SOS1: variants seen among roughly 807,000 people sequenced by gnomAD.
SOS1 encodes SOS Ras/Rac guanine nucleotide exchange factor 1.
SOS1 carries 25 observed loss-of-function variants against 157.6 expected under a neutral mutation model. That is an observed-to-expected ratio of 0.16 (90% CI 0.12 to 0.22). The LOEUF is 0.22. Ranked by LOEUF, SOS1 falls within the 10% of genes least tolerant of loss-of-function variation. The probability of loss-of-function intolerance (pLI) is 1.00; values close to 1 mark genes in which losing one functional copy is unlikely to be tolerated. For synonymous variants in SOS1, 528 were observed against 534.0 expected (o/e 0.99, Z 0.16); for missense variants, 1,237 against 1,599.1 (o/e 0.77, Z 3.86).
upstream of SOS1, among the ~76,000 whole-genome samples, chr2:39,122,447 T>TACACACACACACAC (rs70954783): frequency 9.1e-4 from 130 of 142,208 alleles, no homozygotes; most frequent in African/African-American, 3.2e-3. Context: ...AAAAAAAATA[T>TACACACACACACAC]ACACACACAC....
chr2:39,015,802 C>CT (rs1054843148), intron 10 of SOS1, among the ~76,000 whole-genome samples: 10,688 of 87,328 alleles, frequency 0.12, 743 homozygotes, highest in Non-Finnish European at 0.16. Context: ...AATTGTAAAT[C>CT]TTTTTTTTTT....
rs572948137 is a variant in SOS1 at position 39,116,694 on chromosome 2, C to G, written c.87+3642G>C. 5.8e-3 allele frequency among the ~76,000 whole-genome samples: 877 copies of G among 152,254 alleles called. 5 individuals are homozygous for G. The highest frequency in any genetic ancestry group is 0.01 in the Non-Finnish European group (695 of 68,024). ...AGACCAGCCTGGTGAAACCCCATCT[C>G]TACAAAAAATACAAAAATTATCTGG... On this transcript the variant is annotated intron_variant, in intron 1 of 22. Coordinates refer to ENST00000402219, the MANE Select transcript of SOS1 (RefSeq NM_005633.4).
intron 6 of SOS1, 90 bp downstream of exon 6, chr2:39,051,054 G>A: frequency 8.5e-7 from 1 of 1,174,544 alleles, no homozygotes; most frequent in East Asian, 2.3e-5. Context: ...TAGTATCTAT[G>A]ACTTTAGCTG....
chr2:39,003,261 T>C (rs1419106805), intron 17 of SOS1, among the ~76,000 whole-genome samples: 7 of 152,034 alleles, frequency 4.6e-5, no homozygotes, highest in Admixed American at 1.3e-4. Context: ...TAAAAAAAGT[T>C]TGTAGATATA....
intron 17 of SOS1, among the ~76,000 whole-genome samples, chr2:39,001,221 C>G (rs1282887709): frequency 6.6e-6 from 1 of 152,180 alleles, no homozygotes; most frequent in East Asian, 1.9e-4. Flanking sequence ...CACCACCATG[C>G]CTGGCTAACT....
At chr2:39,013,803 T>C in intron 12 of SOS1, 64 bp downstream of exon 12, 2 of 1,430,314 alleles carry the variant, frequency 1.4e-6, no homozygotes, top group South Asian at 2.3e-5. Flanking sequence ...AAGGTCCTTA[T>C]ATACTTCAAC....
At chr2:39,110,581 C>T (rs1012892924) in intron 1 of SOS1, among the ~76,000 whole-genome samples, 6 of 151,554 alleles carry the variant, frequency 4.0e-5, no homozygotes, top group Admixed American at 6.6e-5. Flanking sequence ...GTTTCTTCAA[C>T]GGATAGTTCT....
intron 17 of SOS1, among the ~76,000 whole-genome samples, chr2:39,002,506 T>G (rs916975743): frequency 6.6e-6 from 1 of 152,112 alleles, no homozygotes; most frequent in South Asian, 2.1e-4. Flanking sequence ...CCGGAGACCA[T>G]GGGATATCAT....
chr2:39,014,081 C>A lies in SOS1; in HGVS notation c.1941-92G>T, dbSNP rs1032526854. The A allele has an allele frequency of 4.5e-6, 4 of 884,190 alleles. No individual in the cohort carries two copies. In the African/African-American group the frequency reaches 5.0e-5, roughly 11 times the overall value. 54.8% of individuals were successfully genotyped at this position (884,190 alleles called of 1,614,324 possible). On this transcript the variant is annotated intron_variant, in intron 11 of 22. Coordinates refer to ENST00000402219, the MANE Select transcript of SOS1 (RefSeq NM_005633.4). Reference sequence around the variant, plus strand: ...AAACGTTTTCACCAGTCAGCAAAATCAAGAGAATACTGTAAAAAATTACTG... The same window carrying A: ...AAACGTTTTCACCAGTCAGCAAAATAAAGAGAATACTGTAAAAAATTACTG...
chr2:38,988,945 C>CTTT (rs3085353), intron 21 of SOS1, among the ~76,000 whole-genome samples: 106,503 of 141,884 alleles, frequency 0.75, 42,260 homozygotes, highest in Non-Finnish European at 0.87. Context: ...ATGCTCTTGC[C>CTTT]TTTTTTTTTT....
At chr2:39,035,344 G>A (rs772281929) in intron 7 of SOS1, 34 bp from the exon 8 acceptor site, 2 of 1,600,878 alleles carry the variant, frequency 1.2e-6, no homozygotes, top group African/African-American at 1.3e-5. Context: ...TTTTTTTTAA[G>A]TTTACTTTTC....
chr2:39,011,662 A>G (rs1347854909), intron 14 of SOS1, among the ~76,000 whole-genome samples: 3 of 152,212 alleles, frequency 2.0e-5, no homozygotes, highest in Non-Finnish European at 4.4e-5. Context: ...AGTATGATTA[A>G]AAAAGACTAT....
chr2:39,017,799 A>G (rs2124526023), intron 10 of SOS1, among the ~76,000 whole-genome samples: 1 of 152,146 alleles, frequency 6.6e-6, no homozygotes, highest in South Asian at 2.1e-4. Flanking sequence ...TTTTACACAG[A>G]AAAGCATAAA....
At chr2:39,018,379 A>AG (rs1441598436) in intron 10 of SOS1, among the ~76,000 whole-genome samples, 6 of 151,772 alleles carry the variant, frequency 4.0e-5, no homozygotes, top group Admixed American at 6.6e-5. Context: ...CCCTACGCTA[A>AG]GGTTTCCACC....
At chr2:38,996,893 C>T in intron 19 of SOS1, 29 bp downstream of exon 19, 1 of 1,071,410 alleles carries the variant, frequency 9.3e-7, no homozygotes, top group Non-Finnish European at 1.5e-6. Context: ...GTAGTAATGA[C>T]ATCACCAGAC....
At chr2:39,058,103 T>C (rs1406844839) in intron 3 of SOS1, among the ~76,000 whole-genome samples, 1 of 152,114 alleles carries the variant, frequency 6.6e-6, no homozygotes, top group Non-Finnish European at 1.5e-5. Context: ...CCTATATTTT[T>C]GTTGTGAAAG....
In SOS1 at chr2:38,985,726, A is replaced by C; in HGVS notation, c.*98T>G. The C allele has an allele frequency of 2.7e-6, 3 of 1,127,802 alleles. No individual in the cohort carries two copies. The highest frequency in any genetic ancestry group is 1.2e-5 in the South Asian group (1 of 81,236). The allele number at this position is 1,127,802 out of a possible 1,614,324, so 69.9% of individuals were successfully genotyped here. ...TTGAAGAAGAGTCGTTAGTGTTTGG[A>C]GTTCTCATTTTAACTCCTCAGTGCT... On this transcript the variant is annotated 3_prime_UTR_variant, in exon 23 of 23. Coordinates refer to ENST00000402219, the MANE Select transcript of SOS1 (RefSeq NM_005633.4).
At chr2:39,028,723 A>G (rs1424843519) in intron 8 of SOS1, among the ~76,000 whole-genome samples, 2 of 152,236 alleles carry the variant, frequency 1.3e-5, no homozygotes, top group Non-Finnish European at 2.9e-5. Context: ...AAGAATGACA[A>G]AGTATACACC....
rs918968658 is a variant in SOS1 at position 39,022,718 on chromosome 2, A to G, written c.1710T>C (p.Pro570=). The G allele has an allele frequency of 6.2e-7, 1 of 1,613,646 alleles. No individual in the cohort carries two copies. The highest frequency in any genetic ancestry group is 1.3e-5 in the African/African-American group (1 of 74,920). The change falls in exon 10 of 23, where the codon CCT becomes CCC. Residue 570 remains proline, a synonymous_variant. Coordinates refer to ENST00000402219, the MANE Select transcript of SOS1 (RefSeq NM_005633.4). ...CTGCAAATCTATAAACATCAGCACT[A>G]GGCAGCCTCATCTGCTCCTCTTTCT... ...QEEKEEQMRL[P]SADVYRFAEP...
Sources: allele counts gnomAD v4.1 joint callset (sites outside exome capture counted in the v4.1 genomes callset), GRCh38; gene constraint gnomAD v4.1.1; transcripts MANE v1.5; gene names NCBI Gene and HGNC (gene_info 2026-07-23, HGNC 2026-07-21).